CRACDL: variants seen among roughly 807,000 people sequenced by gnomAD.
CRACDL encodes the protein CRACD-like protein.
CRACDL carries 26 observed loss-of-function variants against 70.6 expected under a neutral mutation model. The ratio of observed to expected loss-of-function variants is 0.37; its 90% CI spans 0.27 to 0.51. CRACDL has a LOEUF of 0.51. Among genes scored for constraint, CRACDL ranks in the 20% least tolerant of loss-of-function variants. The pLI, the probability that CRACDL is intolerant of heterozygous loss-of-function variation, is 0.94. For synonymous variants in CRACDL, 618 were observed against 615.2 expected, an observed-to-expected ratio of 1.00 and a Z score of -0.07; for missense variants, 1,283 against 1,376.9, an observed-to-expected ratio of 0.93 and a Z score of 1.08.
chr2:98,821,822 G>A, intron 7 of CRACDL, 35 bp downstream of exon 7: 1 of 1,603,152 alleles, frequency 6.2e-7, no homozygotes, highest in Non-Finnish European at 8.5e-7. Context: ...ATCTCCCCAG[G>A]CCCTGCCCTT....
intron 1 of CRACDL, among the ~76,000 whole-genome samples, chr2:98,895,999 T>C (rs918043603): frequency 6.6e-6 from 1 of 152,126 alleles, no homozygotes; most frequent in African/African-American, 2.4e-5. Flanking sequence ...GGCGCCTTGA[T>C]CTAGGACTTC....
Position 98,822,766 on chromosome 2 carries a change from C to G in CRACDL, c.1507G>C (p.Ala503Pro). 7.8e-7 allele frequency: 1 copy of G among 1,276,274 alleles called. No individual in the cohort carries two copies. The highest frequency in any genetic ancestry group is 9.8e-7 in the Non-Finnish European group (1 of 1,015,666). The allele number at this position is 1,276,274 out of a possible 1,614,324, so 79.1% of individuals were successfully genotyped here. A position where few individuals can be genotyped will look rare whatever the true frequency, so the allele number is the denominator to read the frequency against. Residue 503 changes from alanine to proline, a missense_variant, in exon 7 of 10, where the codon GCG becomes CCG. Ala to Pro is a conservative substitution (Grantham distance 27). Around this residue, in one of 2 missense-constraint regions of CRACDL, gnomAD observed 921 missense variants for 881.9 expected, o/e 1.04. Coordinates refer to ENST00000397899, the MANE Select transcript of CRACDL (RefSeq NM_207362.3). This position sits in a 1 kb window ranked among gnomAD's most constrained non-coding sequence, Gnocchi z 4.9. ...GCGGCGGGGCCCTCGCTGGCGGCCG[C>G]GGGCCGGTGTTTCAGGCAGCTCTTG... The part of the protein sequence containing the change: ...APKSCLKHRP[A>P]AASEGPAASP...
intron 5 of CRACDL, among the ~76,000 whole-genome samples, chr2:98,829,383 C>T (rs762926942): frequency 3.3e-5 from 5 of 152,346 alleles, no homozygotes; most frequent in Non-Finnish European, 7.3e-5. Flanking sequence ...TCTGTTTCCA[C>T]TGTTGCTCTG....
intron 1 of CRACDL, among the ~76,000 whole-genome samples, chr2:98,856,403 A>G (rs1052584201): frequency 1.3e-5 from 2 of 152,226 alleles, no homozygotes; most frequent in Non-Finnish European, 2.9e-5. Flanking sequence ...GAGATATTCA[A>G]GAAAAACAAA....
intron 1 of CRACDL, chr2:98,908,392 C>T (rs1480849468): frequency 6.6e-6 from 1 of 152,354 alleles, no homozygotes; most frequent in Non-Finnish European, 1.5e-5. Context: ...AAGTTATTTA[C>T]CTGGCAAATG....
At chr2:98,893,343 A>G (rs1257629478) in intron 1 of CRACDL, among the ~76,000 whole-genome samples, 2 of 151,854 alleles carry the variant, frequency 1.3e-5, no homozygotes, top group Non-Finnish European at 2.9e-5. Flanking sequence ...GAGTGCAGTG[A>G]TGCGATCTCA....
chr2:98,831,409 C>G (rs1419322098), intron 5 of CRACDL, among the ~76,000 whole-genome samples: 1 of 152,204 alleles, frequency 6.6e-6, no homozygotes, highest in Non-Finnish European at 1.5e-5. Context: ...AGCACAGAAT[C>G]TGCAAGGCAG....
chr2:98,899,542 T>C (rs1708210756), intron 1 of CRACDL, among the ~76,000 whole-genome samples: 1 of 151,762 alleles, frequency 6.6e-6, no homozygotes, highest in Non-Finnish European at 1.5e-5. Context: ...TGGCCAGGGG[T>C]GGCCCCACAG....
intron 1 of CRACDL, among the ~76,000 whole-genome samples, chr2:98,854,069 G>A (rs1706593346): frequency 6.6e-6 from 1 of 152,010 alleles, no homozygotes; most frequent in African/African-American, 2.4e-5. Context: ...GGATCACGAG[G>A]TCAGGAGTTC....
In CRACDL at chr2:98,846,411, G is replaced by C. The variant is rs528379257; in HGVS notation, c.70+320C>G. 5.3e-4 allele frequency among the ~76,000 whole-genome samples: 81 copies of C among 152,232 alleles called. 1 individual carries two copies. The highest frequency in any genetic ancestry group is 9.1e-4 in the Non-Finnish European group (62 of 68,014). On this transcript the variant is annotated intron_variant, in intron 2 of 9. Coordinates refer to ENST00000397899, the MANE Select transcript of CRACDL (RefSeq NM_207362.3). ...ATGCCTTTGGATATTCTTAGATGGT[G>C]AATGAATCCATTTAGTACCTCTTCC...
At chr2:98,926,098 C>G (rs1167176278) in intron 1 of CRACDL, among the ~76,000 whole-genome samples, 11 of 152,118 alleles carry the variant, frequency 7.2e-5, no homozygotes, top group Admixed American at 7.2e-4. Flanking sequence ...TTACAATTTA[C>G]TTCATAATGC....
chr2:98,831,699 C>T (rs531001309), intron 5 of CRACDL, among the ~76,000 whole-genome samples: 2 of 152,282 alleles, frequency 1.3e-5, no homozygotes, highest in South Asian at 4.1e-4. Context: ...GGCAGCATCG[C>T]GAGCTATGTT....
chr2:98,889,219 G>C lies in CRACDL; in HGVS notation c.-10-42409C>G, dbSNP rs117773472. ...AAGAAAAGAAGGAAGGAAGGGGAAG[G>C]AAGGAAAGAAAGAAAGAAAAAGAAA... On this transcript the variant is annotated intron_variant, in intron 1 of 9. Coordinates refer to ENST00000397899, the MANE Select transcript of CRACDL (RefSeq NM_207362.3). Among the ~76,000 whole-genome samples the C allele has an allele frequency of 6.5e-4, 96 of 146,854 alleles. 2 individuals are homozygous for C. The East Asian group carries it at 0.018, about 27-fold the overall frequency.
intron 1 of CRACDL, among the ~76,000 whole-genome samples, chr2:98,883,611 G>A (rs1446414238): frequency 6.6e-6 from 1 of 152,192 alleles, no homozygotes; most frequent in Non-Finnish European, 1.5e-5. Context: ...CCGTTGGGAA[G>A]AGCGTGTTTG....
chr2:98,832,875 A>G lies in CRACDL; in HGVS notation c.362T>C (p.Ile121Thr). Residue 121 changes from isoleucine (I) to threonine (T), a missense_variant, in exon 4 of 10, where the codon ATT becomes ACT. Physicochemically the swap from Ile to Thr is moderately conservative, Grantham distance 89. Around this residue, in one of 2 missense-constraint regions of CRACDL, gnomAD observed 362 missense variants for 495.0 expected, o/e 0.73. Transcript: ENST00000397899. ...VFSQENVCDR[I>T]KALQLKIQCN... is the part of the protein sequence containing the mutation. ...GGAAACATTTACCTGCAGAGCTTTA[A>G]TCCGATCACACACATTTTCTTGGGA... The G allele has an allele frequency of 6.2e-7, 1 of 1,614,162 alleles. No individual in the cohort carries two copies. The highest frequency in any genetic ancestry group is 8.5e-7 in the Non-Finnish European group (1 of 1,180,020).
chr2:98,891,406 T>A (rs1326436170), intron 1 of CRACDL, among the ~76,000 whole-genome samples: 442 of 72,008 alleles, frequency 6.1e-3, no homozygotes, highest in African/African-American at 0.011. Context: ...AAAAAAAAAA[T>A]CCAAACTTTG....
At chr2:98,898,242 C>G (rs1708179187) in intron 1 of CRACDL, among the ~76,000 whole-genome samples, 1 of 152,218 alleles carries the variant, frequency 6.6e-6, no homozygotes, top group African/African-American at 2.4e-5. Context: ...AGAGAAAAAA[C>G]AGCAATGATC....
intron 3 of CRACDL, among the ~76,000 whole-genome samples, chr2:98,837,053 C>T (rs148848951): frequency 4.0e-5 from 6 of 150,378 alleles, no homozygotes; most frequent in Non-Finnish European, 8.9e-5. Flanking sequence ...CCACCGCACT[C>T]CAGCCTGGGC....
chr2:98,897,099 C>G (rs949134270), intron 1 of CRACDL, among the ~76,000 whole-genome samples: 5 of 152,154 alleles, frequency 3.3e-5, no homozygotes, highest in Non-Finnish European at 7.3e-5. Flanking sequence ...AAATCCTCCC[C>G]CATGCTGCTC....
Sources: allele counts gnomAD v4.1 joint callset (sites outside exome capture counted in the v4.1 genomes callset), GRCh38; gene constraint gnomAD v4.1.1; regional missense constraint gnomAD v4.1.1; non-coding constraint Gnocchi (gnomAD v3.1); transcripts MANE v1.5; gene names NCBI Gene and HGNC (gene_info 2026-07-23, HGNC 2026-07-21).